Variants in MAF observed in about 807,000 individuals in gnomAD.
MAF encodes the protein transcription factor Maf.
Under a neutral mutation model 22.0 loss-of-function variants are expected in MAF, and 10 were observed. The observed-to-expected ratio is 0.45, with a 90% confidence interval of 0.28 to 0.77. The LOEUF (loss-of-function observed/expected upper bound fraction) is 0.77. Ranked by LOEUF, MAF falls within the 30% of genes least tolerant of loss-of-function variation. The pLI is 0.12. For missense variants in MAF, 544 were observed against 548.4 expected, an observed-to-expected ratio of 0.99 and a Z score of 0.08; for synonymous variants, 337 against 255.8, an observed-to-expected ratio of 1.32 and a Z score of -3.03.
chr16:79,204,817 C>T, the MAF span: 1 of 152,196 alleles, frequency 6.6e-6, no homozygotes, highest in African/African-American at 2.4e-5. Context: ...GGAAAGAATT[C>T]TTTCCAGCTT....
At chr16:79,239,828 G>T in the MAF span, among the ~76,000 whole-genome samples, 8 of 152,136 alleles carry the variant, frequency 5.3e-5, no homozygotes, top group African/African-American at 1.7e-4. Context: ...TCAATGCCCA[G>T]CCATGGCAGG....
chr16:79,547,258 TAC>T, the MAF span, among the ~76,000 whole-genome samples: 2 of 151,612 alleles, frequency 1.3e-5, no homozygotes, highest in East Asian at 3.9e-4. Context: ...CATATACCCA[TAC>T]ACACTACTGT....
At chr16:79,525,651 T>C in the MAF span, among the ~76,000 whole-genome samples, 1 of 152,196 alleles carries the variant, frequency 6.6e-6, no homozygotes, top group African/African-American at 2.4e-5. Context: ...TGATGTACAT[T>C]TGAATCCCCT....
the MAF span, among the ~76,000 whole-genome samples, chr16:79,461,078 G>C: frequency 0.036 from 5,484 of 152,242 alleles, 108 homozygotes; most frequent in South Asian, 0.055. Flanking sequence ...TTGGTTTGTT[G>C]TCTATAAAGT....
the MAF span, among the ~76,000 whole-genome samples, chr16:79,543,792 T>G: frequency 1.3e-5 from 2 of 151,668 alleles, no homozygotes; most frequent in African/African-American, 4.8e-5. Flanking sequence ...GTTCACGGCA[T>G]TCTCCTGCGT....
At chr16:79,257,601 C>G in the MAF span, among the ~76,000 whole-genome samples, 3 of 152,186 alleles carry the variant, frequency 2.0e-5, no homozygotes, top group Non-Finnish European at 4.4e-5. Context: ...TGCTCAGCCT[C>G]AGCCGAGCTA....
the MAF span, among the ~76,000 whole-genome samples, chr16:79,506,119 T>C: frequency 3.9e-5 from 6 of 152,090 alleles, no homozygotes; most frequent in East Asian, 7.7e-4. Context: ...AAGAGTGAAA[T>C]ATGCAATAAG....
At chr16:79,321,384 T>C in the MAF span, among the ~76,000 whole-genome samples, 1 of 152,192 alleles carries the variant, frequency 6.6e-6, no homozygotes, top group Admixed American at 6.5e-5. Context: ...AAGTAATGTC[T>C]AGTATGTCCC....
chr16:79,211,627 C>T, the MAF span: 1 of 1,614,196 alleles, frequency 6.2e-7, no homozygotes, highest in South Asian at 1.1e-5. Context: ...GCTGCCACCA[C>T]CGTGTACTGT....
chr16:79,283,075 G>A, the MAF span, among the ~76,000 whole-genome samples: 3 of 152,208 alleles, frequency 2.0e-5, no homozygotes, highest in South Asian at 2.1e-4. Flanking sequence ...TGGGGAATAG[G>A]GAATGTTTCT....
the MAF span, among the ~76,000 whole-genome samples, chr16:79,258,434 G>A: frequency 6.6e-6 from 1 of 152,188 alleles, no homozygotes; most frequent in African/African-American, 2.4e-5. Context: ...CATCAGCACT[G>A]TTCCAGGGAG....
At chr16:79,296,235 G>A in the MAF span, among the ~76,000 whole-genome samples, 1 of 152,148 alleles carries the variant, frequency 6.6e-6, no homozygotes, top group African/African-American at 2.4e-5. Context: ...ATCTGTTCAG[G>A]AACAGTCTAA....
the MAF span, among the ~76,000 whole-genome samples, chr16:79,530,792 A>G: frequency 6.6e-6 from 1 of 152,224 alleles, no homozygotes; most frequent in Non-Finnish European, 1.5e-5. Context: ...TCAGTCATAG[A>G]TATCTCTTTG....
chr16:79,411,095 C>T, the MAF span, among the ~76,000 whole-genome samples: 1 of 152,134 alleles, frequency 6.6e-6, no homozygotes, highest in Non-Finnish European at 1.5e-5. Context: ...CTTTATTCAC[C>T]AACTCCTCCC....
At chr16:79,487,031 T>C in the MAF span, among the ~76,000 whole-genome samples, 156 of 152,098 alleles carry the variant, frequency 1.0e-3, no homozygotes, top group African/African-American at 3.5e-3. Flanking sequence ...GTGAGAGAGG[T>C]TGGGGAGGCC....
chr16:79,444,021 C>G, the MAF span, among the ~76,000 whole-genome samples: 1 of 152,010 alleles, frequency 6.6e-6, no homozygotes, highest in Admixed American at 6.6e-5. Flanking sequence ...TATACGTACA[C>G]ACACAAATAT....
chr16:79,290,377 TG>T, the MAF span, among the ~76,000 whole-genome samples: 1 of 152,222 alleles, frequency 6.6e-6, no homozygotes, highest in Admixed American at 6.5e-5. Context: ...ACTAGTTACA[TG>T]GGTCATCGAG....
the MAF span, among the ~76,000 whole-genome samples, chr16:79,535,816 C>A: frequency 2.0e-5 from 3 of 152,014 alleles, no homozygotes; most frequent in Non-Finnish European, 4.4e-5. Context: ...CCTAACCTCC[C>A]CGCCTTGGCC....
At chr16:79,248,944 A>T in the MAF span, among the ~76,000 whole-genome samples, 3 of 152,200 alleles carry the variant, frequency 2.0e-5, no homozygotes, top group Admixed American at 1.3e-4. Context: ...AAGAACATTT[A>T]AAAATATATT....
Sources: gnomAD v4.1 joint callset for allele counts (sites outside exome capture counted in the v4.1 genomes callset) on GRCh38, gnomAD v4.1.1 for gene constraint, MANE v1.5 for transcripts, NCBI Gene and HGNC (gene_info 2026-07-23, HGNC 2026-07-21) for gene names.